The following DNAJB6 variants were observed in gnomAD, a reference collection of about 807,000 sequenced individuals.
DNAJB6 encodes the protein dnaJ homolog subfamily B member 6.
A neutral mutation model predicts 42.7 loss-of-function variants in DNAJB6; 16 were observed. The ratio of observed to expected loss-of-function variants is 0.37; its 90% CI spans 0.25 to 0.57. The LOEUF (loss-of-function observed/expected upper bound fraction) is 0.57. DNAJB6 is among the 20% of genes least tolerant of loss of function. The probability of loss-of-function intolerance (pLI) is 0.74; values close to 1 mark genes in which losing one functional copy is unlikely to be tolerated. For missense variants in DNAJB6, 347 were observed against 416.8 expected (o/e 0.83, Z 1.46); for synonymous variants, 170 against 163.5 (o/e 1.04, Z -0.30).
intron 8 of DNAJB6, among the ~76,000 whole-genome samples, chr7:157,400,386 G>A (rs1801807712): frequency 6.6e-6 from 1 of 152,290 alleles, no homozygotes; most frequent in South Asian, 2.1e-4. Flanking sequence ...GGTGTGCCGT[G>A]ATGCTTGCTG....
At chr7:157,363,734 T>G (rs11980296) in intron 3 of DNAJB6, among the ~76,000 whole-genome samples, 3,580 of 152,274 alleles carry the variant, frequency 0.024, 116 homozygotes, top group African/African-American at 0.077. Context: ...AGCTAAAATT[T>G]AGATTTCCAG....
At chr7:157,404,808 G>A (rs1166070547) in intron 8 of DNAJB6, among the ~76,000 whole-genome samples, 2 of 152,066 alleles carry the variant, frequency 1.3e-5, no homozygotes, top group African/African-American at 4.8e-5. Flanking sequence ...GCCTGGCCCA[G>A]ATGGGGTCTT....
intron 5 of DNAJB6, chr7:157,370,621 A>G (rs1056209496): frequency 1.3e-5 from 2 of 152,480 alleles, no homozygotes; most frequent in South Asian, 2.1e-4. Flanking sequence ...TTTTACCCCT[A>G]GTCCAAGGAG....
intron 6 of DNAJB6, among the ~76,000 whole-genome samples, chr7:157,384,244 C>G (rs148291856): frequency 6.6e-6 from 1 of 152,170 alleles, no homozygotes. Context: ...ACTGTAGAAC[C>G]ATAGTTTTTT....
At chr7:157,400,275 A>T (rs1242511862) in intron 8 of DNAJB6, among the ~76,000 whole-genome samples, 1 of 149,474 alleles carries the variant, frequency 6.7e-6, no homozygotes, top group Admixed American at 6.7e-5. Flanking sequence ...AACATGGGGG[A>T]TGCCCGGGTC....
rs779218392 is a variant in DNAJB6, at chr7:157,409,828, G to A, written c.725G>A (p.Arg242His). 32 of 1,533,218 alleles carry A rather than the reference G, an allele frequency of 2.1e-5. No individual in the cohort carries two copies. The East Asian group carries it at 3.4e-4, about 16-fold the overall frequency. The allele number at this position is 1,533,218 out of a possible 1,614,324, so 95.0% of individuals were successfully genotyped here. ...GACGACGATGCCCTCGCTGAGGAGC[G>A]CATGCGGAGAGGCCAGAACGCCCTG... ...VADDDALAEE[R>H]MRRGQNALPA... is the part of the protein sequence containing the mutation. Residue 242 changes from arginine to histidine, a missense_variant, in exon 9 of 10, where the codon CGC (arginine) becomes CAC (histidine). Transcript: ENST00000262177.
At chr7:157,338,362 T>A (rs1798160934) in intron 1 of DNAJB6, among the ~76,000 whole-genome samples, 1 of 150,264 alleles carries the variant, frequency 6.7e-6, no homozygotes, top group Non-Finnish European at 1.5e-5. Context: ...TGAGACGGAG[T>A]CTGTTCTGTT....
chr7:157,381,337 A>G (rs1347157609), intron 5 of DNAJB6: 4 of 152,128 alleles, frequency 2.6e-5, no homozygotes, highest in African/African-American at 7.2e-5. Flanking sequence ...TAATGCACCT[A>G]TTAGGATTCC....
chr7:157,404,423 C>T (rs1447683859), intron 8 of DNAJB6, among the ~76,000 whole-genome samples: 1 of 149,020 alleles, frequency 6.7e-6, no homozygotes, highest in Non-Finnish European at 1.5e-5. Context: ...TCCAGAGCGG[C>T]TGGGACTGTA....
At chr7:157,363,102 C>G in intron 2 of DNAJB6, 59 bp from the exon 3 acceptor site, 1 of 1,253,602 alleles carries the variant, frequency 8.0e-7, no homozygotes, top group East Asian at 2.5e-5. Context: ...ATGTTAGTTT[C>G]AAAAGCATAG....
intron 5 of DNAJB6, among the ~76,000 whole-genome samples, chr7:157,370,083 T>C (rs1248269796): frequency 6.7e-6 from 1 of 148,522 alleles, no homozygotes; most frequent in Non-Finnish European, 1.5e-5. Flanking sequence ...GGGCCCCTTC[T>C]TAACATTATT....
In DNAJB6 at chr7:157,340,166, G is replaced by A. The variant is rs922800211; in HGVS notation, c.-27+3022G>A. The A allele has an allele frequency of 9.2e-5, 14 of 152,348 alleles. No individual in the cohort carries two copies. The East Asian group carries it at 9.6e-4, about 10-fold the overall frequency. 9.4% of individuals were successfully genotyped at this position (152,348 alleles called of 1,614,324 possible). A position where few individuals can be genotyped will look rare whatever the true frequency, so the allele number is the denominator to read the frequency against. On this transcript the variant is annotated intron_variant, in intron 1 of 9. Coordinates refer to ENST00000262177, the MANE Select transcript of DNAJB6 (RefSeq NM_058246.4). Reference sequence around the variant, plus strand: ...GTTTTGACGGGATTTTTACTTCTTAGTATTTATTTGCATCGAGGTTACACA... The same window carrying A: ...GTTTTGACGGGATTTTTACTTCTTAATATTTATTTGCATCGAGGTTACACA...
At chr7:157,400,719 G>T (rs576482802) in intron 8 of DNAJB6, among the ~76,000 whole-genome samples, 1 of 152,352 alleles carries the variant, frequency 6.6e-6, no homozygotes, top group Admixed American at 6.5e-5. Context: ...GAAGTCGAGG[G>T]TGTTGATGAG....
chr7:157,410,674 T>C (rs1163781267), intron 9 of DNAJB6: 1 of 150,530 alleles, frequency 6.6e-6, no homozygotes, highest in African/African-American at 2.5e-5. Flanking sequence ...GTGCGTCAGT[T>C]GGAAGTATTT....
chr7:157,366,452 T>TA, intron 3 of DNAJB6, 50 bp from the exon 4 acceptor site: 1 of 1,523,442 alleles, frequency 6.6e-7, no homozygotes, highest in Non-Finnish European at 9.1e-7. Flanking sequence ...TCTATTGAAT[T>TA]AAGGGTTTAA....
chr7:157,343,928 C>T (rs982122032), intron 1 of DNAJB6, among the ~76,000 whole-genome samples: 1 of 151,946 alleles, frequency 6.6e-6, no homozygotes, highest in Non-Finnish European at 1.5e-5. Context: ...ATTAACAAAC[C>T]GAGTTTTCCT....
At chr7:157,364,154 G>A (rs1367707796) in intron 3 of DNAJB6, among the ~76,000 whole-genome samples, 1 of 151,488 alleles carries the variant, frequency 6.6e-6, no homozygotes, top group African/African-American at 2.4e-5. Context: ...GCAGTGAGCC[G>A]AGATTGCGCC....
intron 1 of DNAJB6, chr7:157,339,783 G>C (rs142128988): frequency 0.017 from 2,560 of 152,284 alleles, 43 homozygotes; most frequent in Non-Finnish European, 0.026. Context: ...GCGCCACCAC[G>C]CCCAGCTAAT....
At chr7:157,355,438 G>A (rs1799222904) in intron 1 of DNAJB6, among the ~76,000 whole-genome samples, 1 of 152,218 alleles carries the variant, frequency 6.6e-6, no homozygotes, top group Admixed American at 6.5e-5. Context: ...GGGATTACAG[G>A]CGTGAGCCAC....
Sources: allele counts gnomAD v4.1 joint callset (sites outside exome capture counted in the v4.1 genomes callset), GRCh38; gene constraint gnomAD v4.1.1; transcripts MANE v1.5; gene names NCBI Gene and HGNC (gene_info 2026-07-23, HGNC 2026-07-21).